Variants in TOX observed in about 807,000 individuals in gnomAD.
TOX encodes the protein thymocyte selection associated high mobility group box.
A neutral mutation model predicts 53.7 loss-of-function variants in TOX; 11 were observed. That is an observed-to-expected ratio of 0.20 (90% confidence interval 0.13 to 0.34). The LOEUF (loss-of-function observed/expected upper bound fraction) is 0.34. Ranked by LOEUF, TOX falls within the 10% of genes least tolerant of loss-of-function variation. The pLI, the probability that TOX is intolerant of heterozygous loss-of-function variation, is 1.00. For synonymous variants in TOX, 225 were observed against 245.3 expected (o/e 0.92, Z 0.77); for missense variants, 570 against 664.6 (o/e 0.86, Z 1.56).
chr8:59,078,150 C>G (rs1343435904), intron 1 of TOX, among the ~76,000 whole-genome samples: 1 of 152,200 alleles, frequency 6.6e-6, no homozygotes, highest in Non-Finnish European at 1.5e-5. Flanking sequence ...TAGAGTCTCA[C>G]AGGCCAGTTT....
At chr8:58,999,336 A>AC (rs1386399147) in intron 1 of TOX, among the ~76,000 whole-genome samples, 10 of 151,972 alleles carry the variant, frequency 6.6e-5, no homozygotes, top group East Asian at 3.9e-4. Context: ...GGAAAAAAAA[A>AC]CCAATAAATT....
intron 3 of TOX, among the ~76,000 whole-genome samples, chr8:58,918,826 C>A (rs1472033621): frequency 7.0e-6 from 1 of 142,298 alleles, no homozygotes; most frequent in Non-Finnish European, 1.5e-5. Flanking sequence ...AGCCCAAAAT[C>A]TCCTTAAGCT....
intron 7 of TOX, among the ~76,000 whole-genome samples, chr8:58,810,903 G>C (rs1032062930): frequency 6.6e-6 from 1 of 151,850 alleles, no homozygotes; most frequent in Non-Finnish European, 1.5e-5. Flanking sequence ...TTCTCAGGTT[G>C]TAAGAAAACA....
Position 59,081,952 on chromosome 8 carries a change from G to T in TOX, c.102+36934C>A, listed in dbSNP as rs544397066. Among the ~76,000 whole-genome samples, 14 of 152,248 alleles carry T rather than the reference G, an allele frequency of 9.2e-5. No individual in the cohort carries two copies. The South Asian group carries it at 2.3e-3, about 25-fold the overall frequency. The stretch of plus-strand genomic sequence containing the variant: ...ATTTTCCCACAACTTAAAATGGATC[G>T]TTAAGTACTTATAAAGGGGAAAAAT... On this transcript the variant is annotated intron_variant, in intron 1 of 8. Coordinates refer to ENST00000361421, the MANE Select transcript of TOX (RefSeq NM_014729.3).
chr8:58,865,454 AAC>A (rs1237445384), intron 3 of TOX, among the ~76,000 whole-genome samples: 1 of 152,028 alleles, frequency 6.6e-6, no homozygotes, highest in African/African-American at 2.4e-5. Context: ...TCTTGTTGAA[AAC>A]TGTTCTAGAA....
chr8:58,863,853 A>G (rs1811051666), intron 3 of TOX, among the ~76,000 whole-genome samples: 1 of 152,188 alleles, frequency 6.6e-6, no homozygotes, highest in Non-Finnish European at 1.5e-5. Flanking sequence ...ATACTATAAT[A>G]CAAGTCAAAG....
At chr8:58,925,505 C>T (rs931913014) in intron 3 of TOX, among the ~76,000 whole-genome samples, 1 of 152,122 alleles carries the variant, frequency 6.6e-6, no homozygotes, top group African/African-American at 2.4e-5. Context: ...ATGACAATTG[C>T]CTTACGTGGA....
In TOX at chr8:58,808,190, T is replaced by C; in HGVS notation, c.1472A>G (p.Glu491Gly). Residue 491 changes from glutamate (E) to glycine (G), a missense_variant, in exon 8 of 9, where the codon GAG (glutamate) becomes GGG (glycine). By Grantham distance (98) the Glu-to-Gly change is moderately conservative (BLOSUM62 -2). Coordinates refer to ENST00000361421, the MANE Select transcript of TOX (RefSeq NM_014729.3). ...TAAQVVTQAM[E>G]YVRSGCRNPP... is the part of the protein sequence containing the mutation. The stretch of plus-strand genomic sequence containing the variant: ...ATTTCTGCACCCCGAACGCACATAC[T>C]CCATTGCCTGGGTGACAACTTGTGC... 6 of 1,614,130 alleles carry C rather than the reference T, an allele frequency of 3.7e-6. No individual in the cohort carries two copies. Among genetic ancestry groups the C allele is most frequent in the Non-Finnish European group, 5.1e-6 (6 of 1,180,002 alleles).
chr8:59,035,821 T>C (rs1053175639), intron 1 of TOX, among the ~76,000 whole-genome samples: 1 of 152,228 alleles, frequency 6.6e-6, no homozygotes, highest in African/African-American at 2.4e-5. Context: ...AGAAGGACAA[T>C]GACAGCTCAC....
chr8:58,868,865 GA>G lies in TOX; in HGVS notation c.412-17061del, dbSNP rs61357991. ...GAAATCAATAACAGGAAAAGAACAG[GA>G]AAAAAAAAAAAATCAACCAAGCCAA... On this transcript the variant is annotated intron_variant, in intron 3 of 8. Coordinates refer to ENST00000361421, the MANE Select transcript of TOX (RefSeq NM_014729.3). 2.1e-3 allele frequency among the ~76,000 whole-genome samples: 300 copies of G among 140,784 alleles called. 1 individual carries two copies. Among genetic ancestry groups the G allele is most frequent in the South Asian group, 4.5e-3 (20 of 4,474 alleles). 92.4% of individuals were successfully genotyped at this position (140,784 alleles called of 152,430 possible).
chr8:58,870,336 A>G (rs900058308), intron 3 of TOX, among the ~76,000 whole-genome samples: 3 of 152,166 alleles, frequency 2.0e-5, no homozygotes, highest in Non-Finnish European at 2.9e-5. Flanking sequence ...AAATCGAACA[A>G]ACAAGTACAG....
At chr8:58,996,525 A>C (rs1344536499) in intron 1 of TOX, among the ~76,000 whole-genome samples, 2 of 152,202 alleles carry the variant, frequency 1.3e-5, no homozygotes, top group East Asian at 3.8e-4. Flanking sequence ...ATGAATGAAA[A>C]AATAAATGAG....
chr8:58,868,003 A>G (rs2129169702), intron 3 of TOX, among the ~76,000 whole-genome samples: 1 of 152,196 alleles, frequency 6.6e-6, no homozygotes, highest in Middle Eastern at 3.4e-3. Context: ...TCTCATGTTG[A>G]ATTGTAGCTC....
intron 3 of TOX, among the ~76,000 whole-genome samples, chr8:58,893,614 ACAT>A (rs1280096780): frequency 6.6e-6 from 1 of 152,224 alleles, no homozygotes; most frequent in Non-Finnish European, 1.5e-5. Flanking sequence ...CTAACAAAAC[ACAT>A]CAGCACCTCT....
At chr8:59,057,869 CAG>C (rs1476048810) in intron 1 of TOX, among the ~76,000 whole-genome samples, 1 of 151,988 alleles carries the variant, frequency 6.6e-6, no homozygotes, top group Non-Finnish European at 1.5e-5. Flanking sequence ...TTTTTGGATA[CAG>C]AGTCTCACTC....
At chr8:59,044,432 C>G (rs1443820479) in intron 1 of TOX, among the ~76,000 whole-genome samples, 1 of 152,194 alleles carries the variant, frequency 6.6e-6, no homozygotes, top group Non-Finnish European at 1.5e-5. Flanking sequence ...CTGTCCCTTG[C>G]TGACTACAGA....
rs562983349 is a variant in TOX at position 58,863,731 on chromosome 8, AT to A, written c.412-11927del. On this transcript the variant is annotated intron_variant, in intron 3 of 8. Coordinates refer to ENST00000361421, the MANE Select transcript of TOX (RefSeq NM_014729.3). ...ATTTCTTTTGCAGGAAATTCAATTA[AT>A]TTTTTTTTTAACTGAACACTTACTC... Among the ~76,000 whole-genome samples the A allele has an allele frequency of 6.3e-3, 926 of 147,596 alleles. 8 individuals carry two copies. The highest frequency in any genetic ancestry group is 0.021 in the African/African-American group (851 of 39,884).
At chr8:58,981,062 G>T (rs535737898) in intron 1 of TOX, among the ~76,000 whole-genome samples, 1 of 152,096 alleles carries the variant, frequency 6.6e-6, no homozygotes. Context: ...TTCCAAATTA[G>T]CTTCATTTTC....
At chr8:58,902,757 T>G (rs1424832741) in intron 3 of TOX, among the ~76,000 whole-genome samples, 1 of 152,224 alleles carries the variant, frequency 6.6e-6, no homozygotes, top group East Asian at 1.9e-4. Context: ...CACAATGATA[T>G]GTTGTTCTTT....
Sources: allele counts gnomAD v4.1 joint callset (sites outside exome capture counted in the v4.1 genomes callset), GRCh38; gene constraint gnomAD v4.1.1; transcripts MANE v1.5; gene names NCBI Gene and HGNC (gene_info 2026-07-23, HGNC 2026-07-21).